RUNX2: variants seen among roughly 807,000 people sequenced by gnomAD.
The protein encoded by RUNX2 is RUNX family transcription factor 2, also known as runt-related transcription factor 2.
In RUNX2, 10 loss-of-function variants were observed where a neutral mutation model predicts 51.7. That is an observed-to-expected ratio of 0.19 (90% CI 0.12 to 0.33). The LOEUF (loss-of-function observed/expected upper bound fraction) is 0.33. Among genes scored for constraint, RUNX2 ranks in the 10% least tolerant of loss-of-function variants. RUNX2 has a pLI of 1.00. For missense variants in RUNX2, 562 were observed against 691.3 expected, an observed-to-expected ratio of 0.81 and a Z score of 2.10; for synonymous variants, 276 against 273.6, an observed-to-expected ratio of 1.01 and a Z score of -0.09.
chr6:45,479,491 A>G (rs1174737216), intron 5 of RUNX2, among the ~76,000 whole-genome samples: 1 of 152,198 alleles, frequency 6.6e-6, no homozygotes, highest in Non-Finnish European at 1.5e-5. Context: ...AGAGACATGG[A>G]ACTAATGTTA....
chr6:45,394,012 A>G (rs1474203767), intron 2 of RUNX2, among the ~76,000 whole-genome samples: 1 of 150,934 alleles, frequency 6.6e-6, no homozygotes, highest in African/African-American at 2.4e-5. Context: ...GTCCCGGTTC[A>G]AGCAATTCTC....
chr6:45,426,445 T>A (rs1223443868), intron 3 of RUNX2, among the ~76,000 whole-genome samples: 1 of 152,226 alleles, frequency 6.6e-6, no homozygotes, highest in Non-Finnish European at 1.5e-5. Flanking sequence ...GTGTCAACCA[T>A]GCATCCAGTA....
At chr6:45,365,610 T>A (rs1208469389) in intron 2 of RUNX2, among the ~76,000 whole-genome samples, 2 of 149,510 alleles carry the variant, frequency 1.3e-5, no homozygotes, top group Non-Finnish European at 3.0e-5. Flanking sequence ...TCATTGGTTT[T>A]CAAAATGTGC....
rs1796491979 is a variant in RUNX2, at chr6:45,374,376, G to C, written c.58+45592G>C. 3.9e-5 allele frequency among the ~76,000 whole-genome samples: 6 copies of C among 152,110 alleles called. No individual in the cohort carries two copies. The South Asian group carries it at 1.2e-3, about 32-fold the overall frequency. On this transcript the variant is annotated intron_variant, in intron 2 of 8. Coordinates refer to ENST00000647337, the MANE Select transcript of RUNX2 (RefSeq NM_001024630.4). ...TTTAAATTAACCTCTTATGAACCTA[G>C]AAGCAGATGCCATTACCATCTTCAT...
chr6:45,541,048 T>C (rs1215668536), intron 7 of RUNX2, among the ~76,000 whole-genome samples: 1 of 152,244 alleles, frequency 6.6e-6, no homozygotes, highest in Non-Finnish European at 1.5e-5. Flanking sequence ...ATGTCAGCAT[T>C]GCTCAATGCT....
chr6:45,525,455 C>T (rs574393045), intron 7 of RUNX2, among the ~76,000 whole-genome samples: 1 of 152,288 alleles, frequency 6.6e-6, no homozygotes, highest in South Asian at 2.1e-4. Flanking sequence ...GCATCGTTGA[C>T]AGTGTATTGG....
chr6:45,425,637 T>A (rs1798363371), intron 3 of RUNX2, among the ~76,000 whole-genome samples: 1 of 152,106 alleles, frequency 6.6e-6, no homozygotes, highest in Non-Finnish European at 1.5e-5. Flanking sequence ...TGAGAAAAAA[T>A]GTATGGATGT....
chr6:45,406,619 T>C lies in RUNX2; in HGVS notation c.59-15974T>C, dbSNP rs1416294780. Among the ~76,000 whole-genome samples the C allele has an allele frequency of 2.6e-5, 4 of 152,200 alleles. No individual in the cohort carries two copies. In the East Asian group the frequency reaches 7.7e-4, roughly 29 times the overall value. The stretch of plus-strand genomic sequence containing the variant: ...TGGGGTTTTGCCATGTTGGCCAGGT[T>C]GGTCTCAAATTCCTGGCCTCAAGTG... On this transcript the variant is annotated intron_variant, in intron 2 of 8. Transcript: ENST00000647337.
chr6:45,511,612 T>C (rs1801152819), intron 6 of RUNX2, among the ~76,000 whole-genome samples: 1 of 152,228 alleles, frequency 6.6e-6, no homozygotes. Flanking sequence ...CTCCTTCCTG[T>C]TCATCTTACG....
rs1802501134 is a variant in RUNX2 at position 45,549,459 on chromosome 6, A to AAAGGCCGT, written c.*2156_*2163dup. 1 of 398,272 alleles carries AAAGGCCGT rather than the reference A, an allele frequency of 2.5e-6. No individual in the cohort carries two copies. Among genetic ancestry groups the AAAGGCCGT allele is most frequent in the Admixed American group, 4.4e-5 (1 of 22,738 alleles). 24.7% of individuals were successfully genotyped at this position (398,272 alleles called of 1,614,324 possible). On this transcript the variant is annotated 3_prime_UTR_variant, in exon 9 of 9. Transcript: ENST00000647337. ...GGGAAAGCAAAACACTTTGCCTTCT[A>AAAGGCCGT]AAGGCCGTATACCAAGTATGCTTAG...
chr6:45,547,983 C>T lies in RUNX2; in HGVS notation c.*678C>T, dbSNP rs185842387. The T allele has an allele frequency of 1.3e-4, 19 of 151,656 alleles. No individual in the cohort carries two copies. Among genetic ancestry groups the T allele is most frequent in the African/African-American group, 4.4e-4 (18 of 41,146 alleles). The allele number at this position is 151,656 out of a possible 1,614,324, so 9.4% of individuals were successfully genotyped here. A position where few individuals can be genotyped will look rare whatever the true frequency, so the allele number is the denominator to read the frequency against. On this transcript the variant is annotated 3_prime_UTR_variant, in exon 9 of 9. Coordinates refer to ENST00000647337, the MANE Select transcript of RUNX2 (RefSeq NM_001024630.4). ...TTATTTTATTTTACTTTTTAACACT[C>T]CTTCTCCCCTTTTCCCACTGAACCA...
At position 45,348,784 on chromosome 6, in the gene RUNX2, A is replaced by G. The variant is rs374306488; in HGVS notation, c.58+20000A>G. Among the ~76,000 whole-genome samples the G allele has an allele frequency of 5.9e-5, 9 of 152,212 alleles. No homozygotes were observed. In the East Asian group the frequency reaches 1.5e-3, roughly 26 times the overall value. On this transcript the variant is annotated intron_variant, in intron 2 of 8. Coordinates refer to ENST00000647337, the MANE Select transcript of RUNX2 (RefSeq NM_001024630.4). ...CATTACCTATTTAGTGATGGAAGTG[A>G]TATTTCCTCTTCCCACAACTCTGTG...
chr6:45,349,911 A>G (rs1791669366), intron 2 of RUNX2, among the ~76,000 whole-genome samples: 1 of 152,234 alleles, frequency 6.6e-6, no homozygotes. Context: ...TTGCTTCAGA[A>G]AAGCTAATTT....
intron 7 of RUNX2, among the ~76,000 whole-genome samples, chr6:45,543,981 T>C (rs1406648907): frequency 6.6e-6 from 1 of 151,296 alleles, no homozygotes; most frequent in Non-Finnish European, 1.5e-5. Flanking sequence ...GAGCAAATTG[T>C]TACTATTTCT....
Position 45,332,019 on chromosome 6 carries a change from GAATT to G in RUNX2, c.58+3239_58+3242del, listed in dbSNP as rs528911238. The stretch of plus-strand genomic sequence containing the variant: ...GCACTAAGATTTTATCAAACACACA[GAATT>G]AATATTTATTGAATAGAACCATTCA... On this transcript the variant is annotated intron_variant, in intron 2 of 8. Coordinates refer to ENST00000647337, the MANE Select transcript of RUNX2 (RefSeq NM_001024630.4). 2.0e-3 allele frequency among the ~76,000 whole-genome samples: 306 copies of G among 151,950 alleles called. 1 individual carries two copies. Among genetic ancestry groups the G allele is most frequent in the African/African-American group, 6.8e-3 (281 of 41,480 alleles).
At chr6:45,361,210 T>A (rs9472470) in intron 2 of RUNX2, among the ~76,000 whole-genome samples, 2 of 152,072 alleles carry the variant, frequency 1.3e-5, no homozygotes, top group African/African-American at 4.8e-5. Context: ...TTTTTTAATT[T>A]GTGGATGTTA....
At chr6:45,389,210 T>G (rs1317910614) in intron 2 of RUNX2, among the ~76,000 whole-genome samples, 1 of 152,220 alleles carries the variant, frequency 6.6e-6, no homozygotes, top group Non-Finnish European at 1.5e-5. Flanking sequence ...ATAGAACACA[T>G]GTTTATGACT....
chr6:45,473,765 A>G (rs1162945055), intron 5 of RUNX2, among the ~76,000 whole-genome samples: 2 of 152,348 alleles, frequency 1.3e-5, no homozygotes, highest in South Asian at 4.1e-4. Context: ...ATATGGCACT[A>G]TTCTCAGAAG....
At chr6:45,331,104 G>GGGGTGT (rs1554347231) in intron 2 of RUNX2, among the ~76,000 whole-genome samples, 2 of 149,606 alleles carry the variant, frequency 1.3e-5, no homozygotes, top group African/African-American at 4.9e-5. Flanking sequence ...TACAATGAGT[G>GGGGTGT]GTGTGTGTGT....
Sources: allele counts gnomAD v4.1 joint callset (sites outside exome capture counted in the v4.1 genomes callset), GRCh38; gene constraint gnomAD v4.1.1; transcripts MANE v1.5; gene names NCBI Gene and HGNC (gene_info 2026-07-23, HGNC 2026-07-21).